Variants in CHD1 observed in about 807,000 individuals in gnomAD.
CHD1 encodes chromodomain helicase DNA binding protein 1.
A neutral mutation model predicts 224.2 loss-of-function variants in CHD1; 36 were observed. The observed-to-expected ratio is 0.16, with a 90% CI of 0.12 to 0.21. CHD1 has a LOEUF of 0.21. CHD1 is among the 10% of genes least tolerant of loss of function. The pLI is 1.00. For missense variants in CHD1, 1,378 were observed against 1,994.8 expected (o/e 0.69, Z 5.89); for synonymous variants, 668 against 658.3 (o/e 1.01, Z -0.23).
At chr5:98,864,697 AAAT>A (rs1748728839) in intron 31 of CHD1, among the ~76,000 whole-genome samples, 1 of 152,110 alleles carries the variant, frequency 6.6e-6, no homozygotes, top group Admixed American at 6.5e-5. Flanking sequence ...CAAAAAAATA[AAAT>A]AATAAATCCT....
intron 2 of CHD1, among the ~76,000 whole-genome samples, chr5:98,924,782 C>T (rs1379983006): frequency 6.6e-6 from 1 of 152,046 alleles, no homozygotes; most frequent in East Asian, 1.9e-4. Context: ...TCGAGACCAG[C>T]CTGGCCAATG....
chr5:98,869,845 T>C lies in CHD1; in HGVS notation c.4016A>G (p.Asn1339Ser). ...CACTTTTATAGACTTCATTGCTTTA[T>C]TCTTCTTAGCTCTTGCTTTTCTCCT... ...SKRRKARAKK[N>S]KAMKSIKVKE... Residue 1339 changes from asparagine to serine, a missense_variant, in exon 30 of 36, where the codon AAT (asparagine) becomes AGT (serine). By Grantham distance (46) the Asn-to-Ser change is conservative. Around this residue, in one of 16 missense-constraint regions of CHD1, gnomAD observed 105 missense variants for 93.4 expected, o/e 1.12. Transcript: ENST00000614616. The C allele has an allele frequency of 6.2e-7, 1 of 1,608,324 alleles. No homozygotes were observed. The highest frequency in any genetic ancestry group is 8.5e-7 in the Non-Finnish European group (1 of 1,175,036).
At chr5:98,904,166 T>G (rs1169911717) in intron 3 of CHD1, among the ~76,000 whole-genome samples, 2 of 152,210 alleles carry the variant, frequency 1.3e-5, no homozygotes, top group Non-Finnish European at 2.9e-5. Flanking sequence ...GAGTATTATT[T>G]GTATTAGTGC....
At chr5:98,886,877 A>T (rs1410369036) in intron 17 of CHD1, among the ~76,000 whole-genome samples, 1 of 152,178 alleles carries the variant, frequency 6.6e-6, no homozygotes, top group African/African-American at 2.4e-5. Context: ...TAGGAATGAG[A>T]AGGAATTAGC....
chr5:98,924,764 C>T (rs1237733342), intron 2 of CHD1, among the ~76,000 whole-genome samples: 1 of 151,996 alleles, frequency 6.6e-6, no homozygotes. Context: ...TCACTTGAGG[C>T]CAGGAGTTCG....
chr5:98,925,503 G>A (rs1188680080), intron 2 of CHD1, among the ~76,000 whole-genome samples: 1 of 152,178 alleles, frequency 6.6e-6, no homozygotes, highest in East Asian at 1.9e-4. Flanking sequence ...CTAATAAGAG[G>A]TAGAAATAGG....
At chr5:98,926,632 C>A (rs1057093393) in intron 1 of CHD1, 98 bp from the exon 2 acceptor site, 1 of 269,562 alleles carries the variant, frequency 3.7e-6, no homozygotes. Context: ...GCCAATTAGA[C>A]TACAGCTGTT....
intron 31 of CHD1, among the ~76,000 whole-genome samples, chr5:98,866,910 G>C (rs571865141): frequency 6.6e-6 from 1 of 152,008 alleles, no homozygotes; most frequent in Non-Finnish European, 1.5e-5. Flanking sequence ...GGACTTTTTA[G>C]TCTCACTCTT....
At chr5:98,916,347 A>C (rs1752730661) in intron 2 of CHD1, among the ~76,000 whole-genome samples, 1 of 151,864 alleles carries the variant, frequency 6.6e-6, no homozygotes, top group South Asian at 2.1e-4. Context: ...GGAGTTCGAG[A>C]CCAGCCTGAC....
chr5:98,906,401 T>C (rs1053891328), intron 2 of CHD1, among the ~76,000 whole-genome samples: 7 of 152,204 alleles, frequency 4.6e-5, no homozygotes, highest in Non-Finnish European at 8.8e-5. Flanking sequence ...CTTGCATACC[T>C]TGCGAGAAAT....
At chr5:98,907,108 T>A (rs1338100897) in intron 2 of CHD1, among the ~76,000 whole-genome samples, 1 of 152,192 alleles carries the variant, frequency 6.6e-6, no homozygotes, top group East Asian at 1.9e-4. Context: ...TCAAAATTCT[T>A]AAATGAATAC....
At chr5:98,867,795 G>GT (rs71619163) in intron 31 of CHD1, among the ~76,000 whole-genome samples, 38,569 of 98,292 alleles carry the variant, frequency 0.39, 8,460 homozygotes, top group East Asian at 0.58. Context: ...TATCTTCCTT[G>GT]TTTTTTTTTT....
intron 34 of CHD1, 192 bp downstream of exon 34, chr5:98,858,772 G>T (rs2112445483): frequency 2.2e-6 from 1 of 447,398 alleles, no homozygotes; most frequent in Non-Finnish European, 3.9e-6. Context: ...AAACTAAAAT[G>T]AACTACAGTT....
At chr5:98,866,851 C>T (rs1182675555) in intron 31 of CHD1, among the ~76,000 whole-genome samples, 3 of 152,096 alleles carry the variant, frequency 2.0e-5, no homozygotes, top group Non-Finnish European at 4.4e-5. Flanking sequence ...TATCACTCAG[C>T]CCTTTTTTCT....
chr5:98,897,268 A>C lies in CHD1; in HGVS notation c.1418T>G (p.Ile473Ser). Residue 473 changes from isoleucine to serine, a missense_variant, in exon 11 of 36, where the codon ATT (isoleucine) becomes AGT (serine). Around this residue, in one of 16 missense-constraint regions of CHD1, gnomAD observed 86 missense variants for 97.7 expected, o/e 0.88. Transcript: ENST00000614616. ...TAATTCTAAGCCCTCATGTCCTCCA[A>C]TATAGGATGGCTGCTTCTTCAGGGC... ...FVALKKQPSYIGGHEGLELRD... is the reference protein window; with the variant it reads ...FVALKKQPSYSGGHEGLELRD... 4 of 1,611,720 alleles carry C rather than the reference A, an allele frequency of 2.5e-6. No individual in the cohort carries two copies. Among genetic ancestry groups the C allele is most frequent in the Non-Finnish European group, 3.4e-6 (4 of 1,178,190 alleles).
At position 98,896,954 on chromosome 5, in the gene CHD1, G is replaced by A. The variant is rs867844382; in HGVS notation, c.1493+239C>T. Among the ~76,000 whole-genome samples, 8 of 152,200 alleles carry A rather than the reference G, an allele frequency of 5.3e-5. No homozygotes were observed. In the South Asian group the frequency reaches 1.0e-3, roughly 20 times the overall value. Reference sequence around the variant, plus strand: ...TGGGATGAGAACAGATATGCATTTTGATTTTTAAACTGAATAAAAACATAT... The same window carrying A: ...TGGGATGAGAACAGATATGCATTTTAATTTTTAAACTGAATAAAAACATAT... On this transcript the variant is annotated intron_variant, in intron 11 of 35. Transcript: ENST00000614616.
At chr5:98,893,225 T>G (rs894310810) in intron 14 of CHD1, among the ~76,000 whole-genome samples, 191 bp downstream of exon 14, 3 of 152,208 alleles carry the variant, frequency 2.0e-5, no homozygotes, top group African/African-American at 4.8e-5. Context: ...GGCTTAAGTT[T>G]ATTAACAAAA....
intron 30 of CHD1, chr5:98,869,294 T>C (rs1243831165): frequency 1.0e-6 from 1 of 986,276 alleles, no homozygotes; most frequent in Non-Finnish European, 1.2e-6. Flanking sequence ...AGTGCAAGTA[T>C]GGCCAATGTA....
At chr5:98,894,350 T>C (rs939316223) in intron 13 of CHD1, among the ~76,000 whole-genome samples, 19 of 152,224 alleles carry the variant, frequency 1.2e-4, no homozygotes, top group Non-Finnish European at 2.4e-4. Flanking sequence ...AAGAGCCAGA[T>C]AGTAAATATT....
Sources: allele counts gnomAD v4.1 joint callset (sites outside exome capture counted in the v4.1 genomes callset), GRCh38; gene constraint gnomAD v4.1.1; regional missense constraint gnomAD v4.1.1; transcripts MANE v1.5; gene names NCBI Gene and HGNC (gene_info 2026-07-23, HGNC 2026-07-21).